COLEC12: variants seen among roughly 807,000 people sequenced by gnomAD.
COLEC12 encodes collectin subfamily member 12, also known as collectin-12.
COLEC12 carries 33 observed loss-of-function variants against 71.1 expected under a neutral mutation model. The observed-to-expected ratio is 0.46, with a 90% CI of 0.35 to 0.62. The LOEUF (loss-of-function observed/expected upper bound fraction) is 0.62. COLEC12 is among the 20% of genes least tolerant of loss of function. The pLI, the probability that COLEC12 is intolerant of heterozygous loss-of-function variation, is 0.00. For missense variants in COLEC12, 765 were observed against 916.1 expected, an observed-to-expected ratio of 0.84 and a Z score of 2.13; for synonymous variants, 350 against 353.0, an observed-to-expected ratio of 0.99 and a Z score of 0.10.
chr18:447,144 T>C (rs1298427442), intron 2 of COLEC12, among the ~76,000 whole-genome samples: 4 of 152,254 alleles, frequency 2.6e-5, no homozygotes, highest in South Asian at 2.1e-4. Flanking sequence ...CTTCACACTA[T>C]GCAGATGACA....
intron 2 of COLEC12, among the ~76,000 whole-genome samples, chr18:443,405 C>A (rs905035898): frequency 6.6e-6 from 1 of 152,142 alleles, no homozygotes; most frequent in Admixed American, 6.5e-5. Context: ...ACTTTCATGT[C>A]TTTTGGTTAG....
intron 2 of COLEC12, among the ~76,000 whole-genome samples, chr18:462,244 T>G (rs768007167): frequency 3.9e-5 from 6 of 152,170 alleles, no homozygotes; most frequent in African/African-American, 7.2e-5. Context: ...ACAGCAGCAT[T>G]ATTTATAATA....
At chr18:366,537 A>G (rs1914859714) in intron 2 of COLEC12, among the ~76,000 whole-genome samples, 1 of 152,114 alleles carries the variant, frequency 6.6e-6, no homozygotes, top group Non-Finnish European at 1.5e-5. Flanking sequence ...CACACTCCCC[A>G]TGATCTTCAT....
chr18:363,860 C>T (rs899240942), intron 2 of COLEC12, among the ~76,000 whole-genome samples: 4 of 152,026 alleles, frequency 2.6e-5, no homozygotes, highest in Non-Finnish European at 5.9e-5. Context: ...AAATACAAAT[C>T]CCAGCCCTGG....
intron 3 of COLEC12, among the ~76,000 whole-genome samples, chr18:351,295 G>GTT (rs112424198): frequency 4.3e-4 from 62 of 145,364 alleles, no homozygotes; most frequent in African/African-American, 1.2e-3. Context: ...GTTCTTCCCT[G>GTT]TTTTTTTTTT....
rs1000616035 is a variant in COLEC12, at chr18:346,123, C to A, written c.1327+172G>T. Among the ~76,000 whole-genome samples, 5 of 152,216 alleles carry A rather than the reference C, an allele frequency of 3.3e-5. No homozygotes were observed. The highest frequency in any genetic ancestry group is 1.3e-4 in the Admixed American group (2 of 15,286). On this transcript the variant is annotated intron_variant, in intron 5 of 9. Transcript: ENST00000400256. The surrounding 1 kb of genome is among the most constrained non-coding windows in gnomAD (Gnocchi z 4.0). ...AGCTCTGGCTGAGATCTTGACACAACCTCATGAAAAACAGTGAGTCAGGAC... is the reference window on the plus strand; with the variant it reads ...AGCTCTGGCTGAGATCTTGACACAAACTCATGAAAAACAGTGAGTCAGGAC...
intron 2 of COLEC12, among the ~76,000 whole-genome samples, chr18:358,827 G>T (rs1275107353): frequency 6.6e-6 from 1 of 152,056 alleles, no homozygotes; most frequent in Non-Finnish European, 1.5e-5. Context: ...TTTATTTCTG[G>T]CAACTTTAAC....
At chr18:439,376 A>T (rs902802985) in intron 2 of COLEC12, among the ~76,000 whole-genome samples, 1 of 152,206 alleles carries the variant, frequency 6.6e-6, no homozygotes, top group Admixed American at 6.5e-5. Context: ...AAATGAATGG[A>T]AAGAGGTATC....
chr18:326,294 G>A (rs1250167249), intron 8 of COLEC12, among the ~76,000 whole-genome samples: 1 of 152,078 alleles, frequency 6.6e-6, no homozygotes, highest in African/African-American at 2.4e-5. Context: ...TTCTATCTAT[G>A]TCTAATTTAA....
intron 2 of COLEC12, among the ~76,000 whole-genome samples, chr18:451,366 T>C (rs1397418463): frequency 1.3e-5 from 2 of 152,046 alleles, no homozygotes; most frequent in East Asian, 3.9e-4. Context: ...AAATTTGGGG[T>C]ATCTGGTGGA....
chr18:406,485 C>T (rs1424400375), intron 2 of COLEC12, among the ~76,000 whole-genome samples: 3 of 122,854 alleles, frequency 2.4e-5, no homozygotes, highest in South Asian at 3.0e-4. Context: ...GTCCGCAGTC[C>T]GGCCTGGACG....
rs371191053 is a variant in COLEC12 at position 480,033 on chromosome 18, C to T, written c.58+674G>A. Among the ~76,000 whole-genome samples the T allele has an allele frequency of 6.6e-5, 10 of 152,326 alleles. No individual in the cohort carries two copies. The South Asian group carries it at 2.1e-3, about 32-fold the overall frequency. ...AGAACATAACAAAAATCTCTGCTTC[C>T]ATCCTCACATCACCTTCTCTCTGCA... On this transcript the variant is annotated intron_variant, in intron 2 of 9. Coordinates refer to ENST00000400256, the MANE Select transcript of COLEC12 (RefSeq NM_130386.3). The surrounding 1 kb of genome is among the most constrained non-coding windows in gnomAD (Gnocchi z 4.1).
chr18:365,952 A>T (rs1266014126), intron 2 of COLEC12, among the ~76,000 whole-genome samples: 1 of 152,288 alleles, frequency 6.6e-6, no homozygotes, highest in Admixed American at 6.5e-5. Context: ...ATACACAGCC[A>T]GGCTGGCTTT....
chr18:338,439 G>A (rs116694684), intron 5 of COLEC12, among the ~76,000 whole-genome samples: 2,434 of 152,254 alleles, frequency 0.016, 39 homozygotes, highest in African/African-American at 0.044. Flanking sequence ...CTGGTGCCCC[G>A]CATCTTATAA....
At chr18:339,004 T>G (rs1162969575) in intron 5 of COLEC12, among the ~76,000 whole-genome samples, 2 of 142,884 alleles carry the variant, frequency 1.4e-5, no homozygotes, top group South Asian at 2.2e-4. Flanking sequence ...TTTTTTTTTT[T>G]GCTGATAATT....
chr18:321,265 A>G (rs761731901), intron 9 of COLEC12, among the ~76,000 whole-genome samples: 3 of 152,064 alleles, frequency 2.0e-5, no homozygotes, highest in Non-Finnish European at 4.4e-5. Context: ...TGTTGGCCAG[A>G]CTGGTCTCAA....
intron 2 of COLEC12, among the ~76,000 whole-genome samples, chr18:441,677 T>C (rs1916538617): frequency 6.6e-6 from 1 of 152,140 alleles, no homozygotes; most frequent in Non-Finnish European, 1.5e-5. Context: ...TTTTTCTTTA[T>C]ATAGTTGTAG....
At position 500,657 on chromosome 18, in the gene COLEC12, C is replaced by G; in HGVS notation, c.-143G>C. The stretch of plus-strand genomic sequence containing the variant: ...CGTCTGCGCCCCCGTCCTCCCTCGC[C>G]GCCGCCGGCCCGCGCTCCCCGCGCT... On this transcript the variant is annotated 5_prime_UTR_variant, in exon 1 of 10. Coordinates refer to ENST00000400256, the MANE Select transcript of COLEC12 (RefSeq NM_130386.3). This position sits in a 1 kb window ranked among gnomAD's most constrained non-coding sequence, Gnocchi z 5.3. 1.9e-6 allele frequency: 1 copy of G among 524,032 alleles called. No homozygotes were observed. The highest frequency in any genetic ancestry group is 2.6e-6 in the Non-Finnish European group (1 of 382,342). The allele number at this position is 524,032 out of a possible 1,614,324, so 32.5% of individuals were successfully genotyped here.
intron 2 of COLEC12, among the ~76,000 whole-genome samples, chr18:425,844 T>C (rs2621202): frequency 0.28 from 41,895 of 152,028 alleles, 7,195 homozygotes; most frequent in South Asian, 0.49. Flanking sequence ...CACCACCCCA[T>C]CTCTTGTTCC....
Sources: allele counts gnomAD v4.1 joint callset (sites outside exome capture counted in the v4.1 genomes callset), GRCh38; gene constraint gnomAD v4.1.1; non-coding constraint Gnocchi (gnomAD v3.1); transcripts MANE v1.5; gene names NCBI Gene and HGNC (gene_info 2026-07-23, HGNC 2026-07-21).